The following CACNG7 variants were observed in gnomAD, a reference collection of about 807,000 sequenced individuals.
CACNG7 encodes the protein voltage-dependent calcium channel gamma-7 subunit.
A neutral mutation model predicts 26.3 loss-of-function variants in CACNG7; 9 were observed. The observed-to-expected ratio is 0.34, with a 90% CI of 0.21 to 0.60. CACNG7 has a LOEUF of 0.60. Ranked by LOEUF, CACNG7 falls within the 20% of genes least tolerant of loss-of-function variation. The pLI is 0.81. For missense variants in CACNG7, 297 were observed against 380.4 expected, an observed-to-expected ratio of 0.78 and a Z score of 1.82; for synonymous variants, 170 against 157.0, an observed-to-expected ratio of 1.08 and a Z score of -0.62.
chr19:53,914,353 C>A (rs907221015), intron 2 of CACNG7, 147 bp from the exon 3 acceptor site: 11 of 607,318 alleles, frequency 1.8e-5, no homozygotes, highest in Non-Finnish European at 3.0e-5. Context: ...TTTCCCAACA[C>A]CCCTGGAGTA....
intron 4 of CACNG7, among the ~76,000 whole-genome samples, chr19:53,928,885 C>T (rs953634854): frequency 6.6e-6 from 1 of 151,748 alleles, no homozygotes; most frequent in Non-Finnish European, 1.5e-5. Flanking sequence ...CTGAGGTTGG[C>T]GGATCACGAA....
chr19:53,941,883 C>T (rs1017348389), intron 5 of CACNG7, among the ~76,000 whole-genome samples, 153 bp from the exon 6 acceptor site: 3 of 151,260 alleles, frequency 2.0e-5, no homozygotes, highest in Non-Finnish European at 4.4e-5. Flanking sequence ...CCTGAGGTCC[C>T]GGGGAAAGAG....
In CACNG7 at chr19:53,942,547, C is replaced by A; in HGVS notation, c.*254C>A. On this transcript the variant is annotated 3_prime_UTR_variant, in exon 6 of 6. Transcript: ENST00000391767. This position sits in a 1 kb window ranked among gnomAD's most constrained non-coding sequence, Gnocchi z 5.9. ...CCAAATGACTCCTCCCCTTCGTTGGCCCGCCCCTTTCCTCTGGCCCCTCCT... is the reference window on the plus strand; with the variant it reads ...CCAAATGACTCCTCCCCTTCGTTGGACCGCCCCTTTCCTCTGGCCCCTCCT... The A allele has an allele frequency of 7.2e-7, 1 of 1,384,372 alleles. No individual in the cohort carries two copies. The allele number at this position is 1,384,372 out of a possible 1,614,324, so 85.8% of individuals were successfully genotyped here.
At chr19:53,929,318 G>A (rs979369210) in intron 4 of CACNG7, among the ~76,000 whole-genome samples, 2 of 151,956 alleles carry the variant, frequency 1.3e-5, no homozygotes, top group Non-Finnish European at 1.5e-5. Flanking sequence ...TGATTCCCCT[G>A]CATCTGAGTT....
chr19:53,913,709 A>G (rs1884432912), intron 2 of CACNG7, among the ~76,000 whole-genome samples: 1 of 148,766 alleles, frequency 6.7e-6, no homozygotes, highest in Non-Finnish European at 1.5e-5. Context: ...GCTTGTGTCC[A>G]GGAGTTCGAG....
intron 4 of CACNG7, among the ~76,000 whole-genome samples, chr19:53,921,304 T>TGGAGTTGCCCCAGGTCTGGTCATTGGC (rs2068948338): frequency 1.0e-5 from 1 of 100,106 alleles, no homozygotes; most frequent in African/African-American, 4.6e-5. Flanking sequence ...TGGTCATTGG[T>TGGAGTTGCCCCAGGTCTGGTCATTGGC]GGACTTGCCC....
chr19:53,919,087 A>T (rs2068917557), intron 4 of CACNG7, among the ~76,000 whole-genome samples: 1 of 151,912 alleles, frequency 6.6e-6, no homozygotes, highest in Non-Finnish European at 1.5e-5. Context: ...TGATTTTTTA[A>T]TTTTTCTCCC....
intron 4 of CACNG7, among the ~76,000 whole-genome samples, chr19:53,933,542 T>G (rs1402356812): frequency 3.9e-5 from 6 of 151,906 alleles, no homozygotes; most frequent in Non-Finnish European, 7.4e-5. Context: ...CCTCAGGTGA[T>G]CCACCCGCCT....
intron 3 of CACNG7, 53 bp downstream of exon 3, chr19:53,914,639 C>G (rs770097054): frequency 2.0e-6 from 3 of 1,518,002 alleles, no homozygotes; most frequent in Admixed American, 3.4e-5. Flanking sequence ...ACAGCCGAGT[C>G]GTGGAGTCCT....
chr19:53,923,975 A>G (rs1399870285), intron 4 of CACNG7, among the ~76,000 whole-genome samples: 1 of 91,772 alleles, frequency 1.1e-5, no homozygotes, highest in African/African-American at 4.6e-5. Context: ...GTATTGGTGG[A>G]GTTGTCCCCA....
chr19:53,928,964 C>A (rs951136314), intron 4 of CACNG7, among the ~76,000 whole-genome samples: 1 of 151,708 alleles, frequency 6.6e-6, no homozygotes, highest in Non-Finnish European at 1.5e-5. Context: ...CAAAAATTAG[C>A]CGGGCATGGT....
chr19:53,921,825 C>T (rs1410570984), intron 4 of CACNG7, among the ~76,000 whole-genome samples: 3 of 108,890 alleles, frequency 2.8e-5, no homozygotes, highest in African/African-American at 4.7e-5. Context: ...TGGAGTTGCC[C>T]CAGGTCTGGT....
chr19:53,915,771 T>A (rs908494063), intron 4 of CACNG7, among the ~76,000 whole-genome samples: 3 of 152,106 alleles, frequency 2.0e-5, no homozygotes, highest in African/African-American at 7.2e-5. Context: ...GTGAGGTAAA[T>A]CCTATTAATA....
At chr19:53,936,433 T>G (rs569948842) in intron 4 of CACNG7, among the ~76,000 whole-genome samples, 2 of 152,320 alleles carry the variant, frequency 1.3e-5, no homozygotes, top group South Asian at 4.1e-4. Flanking sequence ...CATCCCCTCG[T>G]GACTCTTGCC....
Position 53,922,588 on chromosome 19 carries a change from ACTGGTCATTGGTGCAGTTGTCCCAGGC to A in CACNG7, c.424+7107_424+7133del, listed in dbSNP as rs2068970916. ...TGGTCATTGGTGGAGTTGTCCCAGG[ACTGGTCATTGGTGCAGTTGTCCCAGGC>A]CTGGTCATTGGTGCAGTTGTCCCCA... is the stretch of plus-strand genomic sequence containing the variant. On this transcript the variant is annotated intron_variant, in intron 4 of 5. Transcript: ENST00000391767. Among the ~76,000 whole-genome samples the A allele has an allele frequency of 1.4e-4, 7 of 49,304 alleles. 1 individual carries two copies. Among genetic ancestry groups the A allele is most frequent in the Admixed American group, 1.4e-3 (7 of 4,950 alleles). The allele number at this position is 49,304 out of a possible 152,430, so 32.3% of individuals were successfully genotyped here.
In CACNG7 at chr19:53,924,404, T is replaced by A. The variant is rs561089142; in HGVS notation, c.424+8899T>A. Among the ~76,000 whole-genome samples, 40 of 145,192 alleles carry A rather than the reference T, an allele frequency of 2.8e-4. 1 individual carries two copies. In the South Asian group the frequency reaches 7.9e-3, roughly 29 times the overall value. On this transcript the variant is annotated intron_variant, in intron 4 of 5. Transcript: ENST00000391767. Reference sequence around the variant, plus strand: ...TTGGTGGAGTTGTCCCCAGGCCTGGTCATTGGTGGAGTTGCCCCAGGTCTG... The same window carrying A: ...TTGGTGGAGTTGTCCCCAGGCCTGGACATTGGTGGAGTTGCCCCAGGTCTG...
chr19:53,924,132 TATTGGTGGACTTGCCCCAGGTCTGGTC>T (rs2068997958), intron 4 of CACNG7, among the ~76,000 whole-genome samples: 1 of 118,238 alleles, frequency 8.5e-6, no homozygotes, highest in East Asian at 2.8e-4. Context: ...CAGGTCTGGT[TATTGGTGGACTTGCCCCAGGTCTGGTC>T]ATTGGTGGAG....
chr19:53,913,162 T>TAA, intron 2 of CACNG7, 135 bp downstream of exon 2: 1 of 772,838 alleles, frequency 1.3e-6, no homozygotes, highest in Middle Eastern at 3.7e-4. Flanking sequence ...TTCAAATTTC[T>TAA]ACGTGGAGCC....
chr19:53,928,359 C>A (rs932098708), intron 4 of CACNG7, among the ~76,000 whole-genome samples: 1 of 151,574 alleles, frequency 6.6e-6, no homozygotes, highest in Admixed American at 6.6e-5. Flanking sequence ...GCTACCTTTA[C>A]CTCTTCGGTT....
Sources: gnomAD v4.1 joint callset for allele counts (sites outside exome capture counted in the v4.1 genomes callset) on GRCh38, gnomAD v4.1.1 for gene constraint, Gnocchi (gnomAD v3.1) non-coding constraint, MANE v1.5 for transcripts, NCBI Gene and HGNC (gene_info 2026-07-23, HGNC 2026-07-21) for gene names.